QSOX2: variants seen among roughly 807,000 people sequenced by gnomAD.
The protein encoded by QSOX2 is quiescin sulfhydryl oxidase 2, also known as sulfhydryl oxidase 2.
A neutral mutation model predicts 61.7 loss-of-function variants in QSOX2; 46 were observed. The ratio of observed to expected loss-of-function variants is 0.75; its 90% CI spans 0.59 to 0.95. The LOEUF is 0.95. Among genes scored for constraint, QSOX2 ranks in the 40% least tolerant of loss-of-function variants. The pLI is 0.00. For synonymous variants in QSOX2, 383 were observed against 388.4 expected (o/e 0.99, Z 0.16); for missense variants, 879 against 918.9 (o/e 0.96, Z 0.56).
chr9:136,224,903 T>C lies in QSOX2; in HGVS notation c.436A>G (p.Lys146Glu). ...IHFYPTFRYF[K>E]AFTKEFTTGE... ...GTTGTAAACTCCTTTGTAAATGCTT[T>C]AAAATACTAAGAGGAAAAACACAGA... is the stretch of plus-strand genomic sequence containing the variant. The change falls in exon 3 of 12, where the codon AAA (lysine) becomes GAA (glutamate). Residue 146 changes from lysine (K) to glutamate (E), a missense_variant. Lys to Glu is a moderately conservative substitution (Grantham distance 56). Coordinates refer to ENST00000358701, the MANE Select transcript of QSOX2 (RefSeq NM_181701.4). 2.5e-6 allele frequency: 4 copies of C among 1,604,580 alleles called. No homozygotes were observed. Among genetic ancestry groups the C allele is most frequent in the Non-Finnish European group, 3.4e-6 (4 of 1,174,440 alleles).
rs945480283 is a variant in QSOX2 at position 136,209,663 on chromosome 9, C to A, written c.1550-388G>T. The A allele has an allele frequency of 1.0e-6, 1 of 985,056 alleles. No homozygotes were observed. Among genetic ancestry groups the A allele is most frequent in the African/African-American group, 1.7e-5 (1 of 57,200 alleles). 61.0% of individuals were successfully genotyped at this position (985,056 alleles called of 1,614,324 possible). On this transcript the variant is annotated intron_variant, in intron 11 of 11. Transcript: ENST00000358701. The surrounding 1 kb of genome is among the most constrained non-coding windows in gnomAD (Gnocchi z 5.6). ...CAGTGCTGCCTGTGTGCCCCTCCCC[C>A]CACTGCTGCCCCTCTGCCCTTTCCT...
Position 136,245,606 on chromosome 9 carries a change from C to T in QSOX2, c.198G>A (p.Leu66=). 6.4e-7 allele frequency: 1 copy of T among 1,560,104 alleles called. No homozygotes were observed. Among genetic ancestry groups the T allele is most frequent in the Non-Finnish European group, 8.6e-7 (1 of 1,163,530 alleles). ...TGGCCCCGCGCACGCTGCCGCTGTCCAGCACCCACACGGCGTCCTCGCCCG... is the reference window on the plus strand; with the variant it reads ...TGGCCCCGCGCACGCTGCCGCTGTCTAGCACCCACACGGCGTCCTCGCCCG... ...YRAGEDAVWV[L]DSGSVRGATA... Residue 66 remains leucine (L), a synonymous_variant, in exon 1 of 12, where the codon CTG becomes CTA. Transcript: ENST00000358701.
chr9:136,220,750 G>A (rs1055154370), intron 6 of QSOX2, among the ~76,000 whole-genome samples: 4 of 151,552 alleles, frequency 2.6e-5, no homozygotes, highest in African/African-American at 9.7e-5. Context: ...TGACTCTGTC[G>A]CCCAGGCTGG....
At chr9:136,230,446 G>A (rs1830319912) in intron 1 of QSOX2, among the ~76,000 whole-genome samples, 1 of 152,234 alleles carries the variant, frequency 6.6e-6, no homozygotes, top group Non-Finnish European at 1.5e-5. Flanking sequence ...AGGAGGAACA[G>A]AGGCATGATC....
Position 136,209,628 on chromosome 9 carries a change from T to G in QSOX2, c.1550-353A>C. The G allele has an allele frequency of 1.0e-6, 1 of 985,280 alleles. No homozygotes were observed. Among genetic ancestry groups the G allele is most frequent in the South Asian group, 4.7e-5 (1 of 21,284 alleles). 61.0% of individuals were successfully genotyped at this position (985,280 alleles called of 1,614,324 possible). On this transcript the variant is annotated intron_variant, in intron 11 of 11. Transcript: ENST00000358701. This position sits in a 1 kb window ranked among gnomAD's most constrained non-coding sequence, Gnocchi z 5.6. ...AGCATGCAGCTCTCACCTGGAGGCC[T>G]TTCTCCGCACAGTGCTGCCTGTGTG...
At chr9:136,241,304 G>A (rs150212738) in intron 1 of QSOX2, among the ~76,000 whole-genome samples, 30 of 152,284 alleles carry the variant, frequency 2.0e-4, no homozygotes, top group Non-Finnish European at 3.8e-4. Context: ...CTCACGGGCC[G>A]TCAGCCCCGC....
rs369734006 is a variant in QSOX2, at chr9:136,211,271, G to A, written c.1542C>T (p.Arg514=). 89 of 1,613,602 alleles carry A rather than the reference G, an allele frequency of 5.5e-5. No individual in the cohort carries two copies. The African/African-American group carries it at 1.0e-3, about 18-fold the overall frequency. The part of the protein sequence containing the change: ...LWKKHNMVNG[R]LAGHLSEDPR... ...TGCCCAGGGGCTTCTCACCTGCCAG[G>A]CGGCCGTTCACCATATTATGCTTCT... The change falls in exon 11 of 12, where the codon CGC becomes CGT. Residue 514 remains arginine (R), a synonymous_variant. Coordinates refer to ENST00000358701, the MANE Select transcript of QSOX2 (RefSeq NM_181701.4).
At chr9:136,211,478 A>G (rs1276275730) in intron 10 of QSOX2, 26 bp from the exon 11 acceptor site, 4 of 1,608,754 alleles carry the variant, frequency 2.5e-6, no homozygotes, top group Non-Finnish European at 3.4e-6. Flanking sequence ...CACTGCTGAC[A>G]ACGGCAGGTG....
In QSOX2 at chr9:136,245,565, G is replaced by T; in HGVS notation, c.239C>A (p.Ala80Asp). 1 of 1,581,310 alleles carries T rather than the reference G, an allele frequency of 6.3e-7. No homozygotes were observed. ...CGAGTAGAACTGCACGAGCCACGCG[G>T]CCGAGCTGTTGGCGGTGGCCCCGCG... Reference protein sequence around the residue: ...SVRGATANSSAAWLVQFYSSW... With the variant: ...SVRGATANSSDAWLVQFYSSW... Residue 80 changes from alanine (A) to aspartate (D), a missense_variant, in exon 1 of 12, where the codon GCC becomes GAC. Ala to Asp is a moderately radical substitution (Grantham distance 126). Coordinates refer to ENST00000358701, the MANE Select transcript of QSOX2 (RefSeq NM_181701.4).
rs1830242398 is a variant in QSOX2, at chr9:136,223,175, G to C, written c.675+588C>G. Among the ~76,000 whole-genome samples the C allele has an allele frequency of 6.6e-6, 1 of 152,206 alleles. No individual in the cohort carries two copies. Among genetic ancestry groups the C allele is most frequent in the Non-Finnish European group, 1.5e-5 (1 of 68,036 alleles). ...TGCAAGGAGGAGGAGGAGAAGCTCA[G>C]GGTGAGTGCTGGGCGAACGCATGTG... is the stretch of plus-strand genomic sequence containing the variant. On this transcript the variant is annotated intron_variant, in intron 5 of 11. Coordinates refer to ENST00000358701, the MANE Select transcript of QSOX2 (RefSeq NM_181701.4). The surrounding 1 kb of genome is among the most constrained non-coding windows in gnomAD (Gnocchi z 4.4).
At chr9:136,235,145 C>T (rs1830369610) in intron 1 of QSOX2, among the ~76,000 whole-genome samples, 1 of 152,236 alleles carries the variant, frequency 6.6e-6, no homozygotes, top group Admixed American at 6.5e-5. Flanking sequence ...TCTCTTCTTG[C>T]CTCAGTTGCT....
rs1554758421 is a variant in QSOX2, at chr9:136,245,564, G to A, written c.240C>T (p.Ala80=). The A allele has an allele frequency of 5.7e-6, 9 of 1,581,398 alleles. No individual in the cohort carries two copies. In the East Asian group the frequency reaches 1.7e-4, roughly 29 times the overall value. ...ACGAGTAGAACTGCACGAGCCACGC[G>A]GCCGAGCTGTTGGCGGTGGCCCCGC... The part of the protein sequence containing the change: ...SVRGATANSS[A]AWLVQFYSSW... The change falls in exon 1 of 12, where the codon GCC becomes GCT. Residue 80 remains alanine, a synonymous_variant. Transcript: ENST00000358701.
chr9:136,224,917 GA>G lies in QSOX2; in HGVS notation c.430-9del, dbSNP rs775170747. ...TGTAAATGCTTTAAAATACTAAGAGGAAAAACACAGAACAAGTAAGAGGCAG... is the reference window on the plus strand; with the variant it reads ...TGTAAATGCTTTAAAATACTAAGAGGAAAACACAGAACAAGTAAGAGGCAG... On this transcript the variant is annotated splice_polypyrimidine_tract_variant and intron_variant, in intron 2 of 11. Coordinates refer to ENST00000358701, the MANE Select transcript of QSOX2 (RefSeq NM_181701.4). The G allele has an allele frequency of 5.6e-6, 9 of 1,599,356 alleles. No homozygotes were observed. The South Asian group carries it at 9.0e-5, about 16-fold the overall frequency.
rs1488147257 is a variant in QSOX2, at chr9:136,215,312, A to T, written c.1210-8T>A. 6.2e-7 allele frequency: 1 copy of T among 1,604,804 alleles called. No individual in the cohort carries two copies. Among genetic ancestry groups the T allele is most frequent in the Non-Finnish European group, 8.5e-7 (1 of 1,176,660 alleles). On this transcript the variant is annotated splice_region_variant and splice_polypyrimidine_tract_variant and intron_variant, in intron 9 of 11. Transcript: ENST00000358701. ...AAGGAATATTCCAGAAATCTGAAAA[A>T]CAAACAAACAAAAAAACCCCAAAGA...
intron 1 of QSOX2, among the ~76,000 whole-genome samples, chr9:136,229,066 G>T (rs1343770708): frequency 6.6e-6 from 1 of 152,116 alleles, no homozygotes; most frequent in African/African-American, 2.4e-5. Flanking sequence ...TTCAGATACT[G>T]GCCTTTTCTC....
At chr9:136,210,707 A>AT (rs1452602499) in intron 11 of QSOX2, 1 of 984,908 alleles carries the variant, frequency 1.0e-6, no homozygotes, top group Non-Finnish European at 1.2e-6. Flanking sequence ...GTTTAGTGGC[A>AT]TTTTCTATTC....
intron 10 of QSOX2, among the ~76,000 whole-genome samples, chr9:136,214,414 G>A (rs773538222): frequency 6.6e-6 from 1 of 152,220 alleles, no homozygotes. Flanking sequence ...TCTGACAGAG[G>A]TGATGGAATA....
In QSOX2 at chr9:136,245,629, C is replaced by A; in HGVS notation, c.175G>T (p.Gly59Cys). ...TCCAGCACCCACACGGCGTCCTCGC[C>A]CGCGCGGTACAGCCGCGCCGCACCG... is the stretch of plus-strand genomic sequence containing the variant. ...AGGAARLYRA[G>C]EDAVWVLDSG... Residue 59 changes from glycine (G) to cysteine (C), a missense_variant, in exon 1 of 12, where the codon GGC becomes TGC. By Grantham distance (159) the Gly-to-Cys change is radical (BLOSUM62 -3). Transcript: ENST00000358701. 1.3e-6 allele frequency: 2 copies of A among 1,499,330 alleles called. No homozygotes were observed. Among genetic ancestry groups the A allele is most frequent in the East Asian group, 2.8e-5 (1 of 35,986 alleles). 92.9% of individuals were successfully genotyped at this position (1,499,330 alleles called of 1,614,324 possible).
intron 6 of QSOX2, among the ~76,000 whole-genome samples, chr9:136,220,513 G>A (rs866404744): frequency 1.2e-4 from 19 of 152,288 alleles, no homozygotes; most frequent in Middle Eastern, 3.4e-3. Context: ...AAGAGCCGCA[G>A]AGTCAACCGT....
Sources: allele counts gnomAD v4.1 joint callset (sites outside exome capture counted in the v4.1 genomes callset), GRCh38; gene constraint gnomAD v4.1.1; non-coding constraint Gnocchi (gnomAD v3.1); transcripts MANE v1.5; gene names NCBI Gene and HGNC (gene_info 2026-07-23, HGNC 2026-07-21).